ESRRG: variants seen among roughly 807,000 people sequenced by gnomAD.
The protein encoded by ESRRG is estrogen related receptor gamma, also known as estrogen-related receptor gamma.
A neutral mutation model predicts 44.0 loss-of-function variants in ESRRG; 13 were observed. The observed-to-expected ratio is 0.30, with a 90% CI of 0.19 to 0.47. The LOEUF is 0.47. ESRRG is among the 20% of genes least tolerant of loss of function. The pLI is 1.00. For missense variants in ESRRG, 395 were observed against 580.6 expected, an observed-to-expected ratio of 0.68 and a Z score of 3.29; for synonymous variants, 215 against 214.6, an observed-to-expected ratio of 1.00 and a Z score of -0.02.
At chr1:216,741,092 GACT>G (rs576072196) in intron 2 of ESRRG, among the ~76,000 whole-genome samples, 1 of 150,990 alleles carries the variant, frequency 6.6e-6, no homozygotes, top group Non-Finnish European at 1.5e-5. Flanking sequence ...CATATGGGAA[GACT>G]GTCCAACATA....
chr1:216,663,273 T>C (rs1380333787), intron 2 of ESRRG, among the ~76,000 whole-genome samples: 3 of 152,162 alleles, frequency 2.0e-5, no homozygotes, highest in Non-Finnish European at 4.4e-5. Context: ...AAAAGTACAC[T>C]TGAGGACAAC....
intron 1 of ESRRG, among the ~76,000 whole-genome samples, chr1:217,098,171 T>G (rs537215271): frequency 2.6e-5 from 4 of 152,302 alleles, no homozygotes; most frequent in South Asian, 4.1e-4. Context: ...TTCTTTACAC[T>G]TTCACAGACC....
At chr1:217,097,660 G>A (rs1421155641) in intron 1 of ESRRG, among the ~76,000 whole-genome samples, 1 of 152,106 alleles carries the variant, frequency 6.6e-6, no homozygotes, top group Non-Finnish European at 1.5e-5. Flanking sequence ...TATTGGGAAA[G>A]TTAAATGAGA....
chr1:216,741,206 A>ATATAATTTATATTATATAATTTATATT (rs1158814773), intron 2 of ESRRG, among the ~76,000 whole-genome samples: 34 of 138,024 alleles, frequency 2.5e-4, no homozygotes, highest in Admixed American at 7.1e-4. Context: ...TTTATAATTT[A>ATATAATTTATATTATATAATTTATATT]TATAATTTAT....
intron 2 of ESRRG, among the ~76,000 whole-genome samples, chr1:216,780,735 A>G (rs1430499901): frequency 6.6e-6 from 1 of 152,138 alleles, no homozygotes; most frequent in African/African-American, 2.4e-5. Context: ...AGGGAGGAGA[A>G]GGGATTTTCG....
intron 5 of ESRRG, among the ~76,000 whole-genome samples, chr1:216,540,343 G>A (rs1459779082): frequency 6.6e-6 from 1 of 151,898 alleles, no homozygotes; most frequent in Non-Finnish European, 1.5e-5. Context: ...TTTTAAATTA[G>A]AACTAAAATG....
At chr1:216,946,706 TCTTC>T (rs1319674538) in intron 1 of ESRRG, among the ~76,000 whole-genome samples, 1 of 151,970 alleles carries the variant, frequency 6.6e-6, no homozygotes, top group African/African-American at 2.4e-5. Context: ...ATCTTTCCTT[TCTTC>T]CTTTTTTCTT....
chr1:216,560,890 G>A (rs1424649304), intron 5 of ESRRG, among the ~76,000 whole-genome samples: 1 of 152,156 alleles, frequency 6.6e-6, no homozygotes, highest in African/African-American at 2.4e-5. Flanking sequence ...CCAGAAAAGC[G>A]AGGCATGAGC....
intron 1 of ESRRG, among the ~76,000 whole-genome samples, chr1:217,001,864 T>C (rs1410780544): frequency 1.3e-5 from 2 of 152,212 alleles, no homozygotes; most frequent in Non-Finnish European, 2.9e-5. Flanking sequence ...AAAATCTCTT[T>C]ACCTTAAAAG....
At chr1:216,569,191 G>GGAAGGGAAAGGAAAGGAAAGGAAAA in intron 3 of ESRRG, among the ~76,000 whole-genome samples, 1 of 73,854 alleles carries the variant, frequency 1.4e-5, no homozygotes, top group Non-Finnish European at 2.5e-5. Context: ...GGAAGGGAAG[G>GGAAGGGAAAGGAAAGGAAAGGAAAA]GAAAGGAAAG....
At chr1:216,593,764 G>C (rs1414831392) in intron 3 of ESRRG, among the ~76,000 whole-genome samples, 1 of 152,200 alleles carries the variant, frequency 6.6e-6, no homozygotes, top group African/African-American at 2.4e-5. Context: ...GGGGGGAACA[G>C]TTTCTCCCTC....
At chr1:217,107,733 A>G (rs2092615029) in intron 1 of ESRRG, among the ~76,000 whole-genome samples, 1 of 152,238 alleles carries the variant, frequency 6.6e-6, no homozygotes, top group Non-Finnish European at 1.5e-5. Flanking sequence ...CACAAGGGCC[A>G]TAGGATTGGC....
chr1:216,872,038 T>G (rs1399413660), intron 2 of ESRRG, among the ~76,000 whole-genome samples: 2 of 152,130 alleles, frequency 1.3e-5, no homozygotes, highest in African/African-American at 4.8e-5. Flanking sequence ...GAGGATGTCT[T>G]TAGTTCACCT....
At chr1:216,516,896 C>A (rs546591488) in intron 6 of ESRRG, among the ~76,000 whole-genome samples, 198 of 152,114 alleles carry the variant, frequency 1.3e-3, no homozygotes, top group Middle Eastern at 0.01. Flanking sequence ...AAGAAAATGA[C>A]TTTCTGAGTT....
intron 1 of ESRRG, among the ~76,000 whole-genome samples, chr1:217,003,143 C>T (rs1368186805): frequency 1.3e-5 from 2 of 152,014 alleles, no homozygotes; most frequent in African/African-American, 4.8e-5. Flanking sequence ...GATAAAACTA[C>T]ATCAGGAAGT....
In ESRRG at chr1:217,116,124, T is replaced by C. The variant is rs186471417; in HGVS notation, c.-230+21543A>G. Among the ~76,000 whole-genome samples the C allele has an allele frequency of 1.7e-3, 262 of 152,338 alleles. 1 individual carries two copies. The highest frequency in any genetic ancestry group is 6.1e-3 in the African/African-American group (252 of 41,580). ...CAAGATCCTGATCTCATGCTCAGCC[T>C]GTTAACATGTCTGGATTCTACAGAG... On this transcript the variant is annotated intron_variant, in intron 1 of 8. Transcript: ENST00000366940.
At chr1:217,053,626 T>G (rs2086546976) in intron 1 of ESRRG, among the ~76,000 whole-genome samples, 1 of 152,200 alleles carries the variant, frequency 6.6e-6, no homozygotes, top group Non-Finnish European at 1.5e-5. Flanking sequence ...AAAAATTGCA[T>G]GTTACCAAAA....
intron 3 of ESRRG, among the ~76,000 whole-genome samples, chr1:216,603,864 C>A (rs770138968): frequency 4.0e-5 from 6 of 149,594 alleles, no homozygotes; most frequent in Admixed American, 6.8e-5. Context: ...ACCCAGGAGG[C>A]GGAGGTTGCA....
At chr1:216,760,823 C>G (rs111705086) in intron 2 of ESRRG, among the ~76,000 whole-genome samples, 1 of 151,914 alleles carries the variant, frequency 6.6e-6, no homozygotes, top group African/African-American at 2.4e-5. Flanking sequence ...AGTCATTGAT[C>G]GTTAGCTGAT....
Sources: gnomAD v4.1 joint callset for allele counts (sites outside exome capture counted in the v4.1 genomes callset) on GRCh38, gnomAD v4.1.1 for gene constraint, MANE v1.5 for transcripts, NCBI Gene and HGNC (gene_info 2026-07-23, HGNC 2026-07-21) for gene names.